PKLR: variants seen among roughly 807,000 people sequenced by gnomAD.
PKLR encodes pyruvate kinase L/R, also known as pyruvate kinase PKLR.
A neutral mutation model predicts 53.6 loss-of-function variants in PKLR; 38 were observed. The ratio of observed to expected loss-of-function variants is 0.71; its 90% confidence interval spans 0.55 to 0.93. The LOEUF is 0.93. Among genes scored for constraint, PKLR ranks in the 40% least tolerant of loss-of-function variants. PKLR has a pLI of 0.00. For synonymous variants in PKLR, 328 were observed against 316.2 expected (o/e 1.04, Z -0.39); for missense variants, 702 against 787.3 (o/e 0.89, Z 1.30).
At chr1:155,305,796 ATT>A (rs35024216), upstream of PKLR, among the ~76,000 whole-genome samples, 22 of 133,276 alleles carry the variant, frequency 1.7e-4, no homozygotes, top group Non-Finnish European at 1.9e-4. Context: ...TGCCCAGCTA[ATT>A]TTTTTTTTTT....
upstream of PKLR, among the ~76,000 whole-genome samples, chr1:155,301,929 C>T (rs545193547): frequency 7.9e-5 from 12 of 151,844 alleles, no homozygotes; most frequent in South Asian, 2.1e-3. Flanking sequence ...TTCTCAGACA[C>T]TGATAAACTT....
intron 6 of PKLR, 44 bp downstream of exon 6, chr1:155,294,438 G>A (rs890965470): frequency 1.9e-6 from 3 of 1,614,094 alleles, no homozygotes; most frequent in Non-Finnish European, 1.7e-6. Context: ...AAAGGTGATG[G>A]GGAATAGCGA....
At chr1:155,291,179 G>C (rs1674523198) in intron 10 of PKLR, among the ~76,000 whole-genome samples, 1 of 152,036 alleles carries the variant, frequency 6.6e-6, no homozygotes, top group Non-Finnish European at 1.5e-5. Context: ...TGGCATGCAG[G>C]GAATGTGACC....
chr1:155,298,874 C>G (rs1647757965), intron 2 of PKLR, among the ~76,000 whole-genome samples: 1 of 151,606 alleles, frequency 6.6e-6, no homozygotes, highest in Non-Finnish European at 1.5e-5. Context: ...GACCCCTGAC[C>G]TCAGGTGATC....
At chr1:155,297,117 C>T (rs1335506634) in intron 2 of PKLR, among the ~76,000 whole-genome samples, 6 of 152,092 alleles carry the variant, frequency 3.9e-5, no homozygotes, top group Admixed American at 2.6e-4. Flanking sequence ...TTCTCTTCTC[C>T]GTCATTTCAC....
chr1:155,291,235 C>T (rs1485869953), intron 10 of PKLR, among the ~76,000 whole-genome samples: 5 of 151,718 alleles, frequency 3.3e-5, no homozygotes, highest in East Asian at 1.9e-4. Flanking sequence ...CGGTGGCTGA[C>T]GCCTGTAATC....
In PKLR at chr1:155,294,542, C is replaced by T; in HGVS notation, c.905G>A (p.Gly302Asp). 1 of 1,614,228 alleles carries T rather than the reference C, an allele frequency of 6.2e-7. No homozygotes were observed. Among genetic ancestry groups the T allele is most frequent in the South Asian group, 1.1e-5 (1 of 91,078 alleles). The change falls in exon 6 of 11, where the codon GGT (glycine) becomes GAT (aspartate). Residue 302 changes from glycine (G) to aspartate (D), a missense_variant. Physicochemically the swap from Gly to Asp is moderately conservative, Grantham distance 94. Transcript: ENST00000342741. The stretch of plus-strand genomic sequence containing the variant: ...GATCTTGATGCCGTGTCCTTCCGGA[C>T]CCAGAGCAGCCCTGACGGCAGCCAC... ...SDVAAVRAAL[G>D]PEGHGIKIIS... is the part of the protein sequence containing the mutation.
At chr1:155,300,876 C>T (rs778065728) in intron 1 of PKLR, 12 of 1,611,552 alleles carry the variant, frequency 7.4e-6, no homozygotes, top group Middle Eastern at 1.6e-4. Context: ...CGATTCCAGC[C>T]GCACCTTCCA....
Position 155,290,225 on chromosome 1 carries a change from C to T in PKLR, c.*347G>A. The T allele has an allele frequency of 3.0e-6, 1 of 332,844 alleles. No individual in the cohort carries two copies. Among genetic ancestry groups the T allele is most frequent in the East Asian group, 6.7e-5 (1 of 15,002 alleles). The allele number at this position is 332,844 out of a possible 1,614,324, so 20.6% of individuals were successfully genotyped here. ...TCCCCCACCCCAAGGGATGGGATGCCTGGGGTTATGGAATTAACCAGCCAA... is the reference window on the plus strand; with the variant it reads ...TCCCCCACCCCAAGGGATGGGATGCTTGGGGTTATGGAATTAACCAGCCAA... On this transcript the variant is annotated 3_prime_UTR_variant, in exon 11 of 11. Transcript: ENST00000342741.
Position 155,294,215 on chromosome 1 carries a change from C to T in PKLR, c.1116+20G>A, listed in dbSNP as rs866725171. The stretch of plus-strand genomic sequence containing the variant: ...CCCTAAAACCCACAGAGTGCCGAAC[C>T]TCAAGGCCTCACTCCAGACCTGTGT... On this transcript the variant is annotated intron_variant, in intron 7 of 10. Transcript: ENST00000342741. The T allele has an allele frequency of 2.7e-5, 44 of 1,613,922 alleles. 1 individual carries two copies. In the Middle Eastern group the frequency reaches 3.3e-3, roughly 121 times the overall value.
intron 2 of PKLR, among the ~76,000 whole-genome samples, chr1:155,297,305 GC>G (rs1277688870): frequency 6.6e-6 from 1 of 152,048 alleles, no homozygotes; most frequent in African/African-American, 2.4e-5. Context: ...CATGTCCCAA[GC>G]AAACTTCTGC....
Position 155,301,134 on chromosome 1 carries a change from G to C in PKLR, c.100+162C>G. On this transcript the variant is annotated intron_variant, in intron 1 of 10. Coordinates refer to ENST00000342741, the MANE Select transcript of PKLR (RefSeq NM_000298.6). Reference sequence around the variant, plus strand: ...AGGGCCTGGAAAAGACCCAGGCCAGGGTCCATAATTTAACACACGGGAGGC... The same window carrying C: ...AGGGCCTGGAAAAGACCCAGGCCAGCGTCCATAATTTAACACACGGGAGGC... 3 of 1,359,372 alleles carry C rather than the reference G, an allele frequency of 2.2e-6. No individual in the cohort carries two copies. In the South Asian group the frequency reaches 3.8e-5, roughly 17 times the overall value. The allele number at this position is 1,359,372 out of a possible 1,614,324, so 84.2% of individuals were successfully genotyped here.
upstream of PKLR, among the ~76,000 whole-genome samples, chr1:155,303,921 C>T (rs1054901980): frequency 1.1e-4 from 16 of 151,978 alleles, 1 homozygote; most frequent in Middle Eastern, 0.01. Flanking sequence ...TCCATGGCGG[C>T]GGGGCGGGGG....
the PKLR span, among the ~76,000 whole-genome samples, chr1:155,308,080 G>T: frequency 6.9e-6 from 1 of 144,634 alleles, no homozygotes. Context: ...TTTTTGAGAC[G>T]GAGTCTTGCT....
At chr1:155,301,584 C>CT (rs2148221168), upstream of PKLR, 2 of 668,730 alleles carry the variant, frequency 3.0e-6, no homozygotes, top group Non-Finnish European at 5.2e-6. Context: ...TCCTCTCATC[C>CT]TTTTTTCCTG....
At chr1:155,294,001 C>T (rs948907191) in intron 7 of PKLR, among the ~76,000 whole-genome samples, 11 of 152,162 alleles carry the variant, frequency 7.2e-5, no homozygotes, top group African/African-American at 1.9e-4. Context: ...GGCATGGCGG[C>T]GGTCACCTGT....
chr1:155,305,936 C>T (rs10908461), upstream of PKLR, among the ~76,000 whole-genome samples: 45,308 of 151,818 alleles, frequency 0.3, 7,266 homozygotes, highest in East Asian at 0.7. Flanking sequence ...TGAGCCACCA[C>T]GCCCAGCTGT....
At chr1:155,308,478 TCA>T in the PKLR span, 2 of 811,802 alleles carry the variant, frequency 2.5e-6, no homozygotes, top group Non-Finnish European at 3.0e-6. Flanking sequence ...TCACTGAGGA[TCA>T]GAGACGTTAA....
At position 155,293,903 on chromosome 1, in the gene PKLR, C is replaced by A. The variant is rs537394980; in HGVS notation, c.1117-313G>T. 6.6e-6 allele frequency among the ~76,000 whole-genome samples: 1 copy of A among 152,058 alleles called. No individual in the cohort carries two copies. The highest frequency in any genetic ancestry group is 1.5e-5 in the Non-Finnish European group (1 of 68,000). On this transcript the variant is annotated intron_variant, in intron 7 of 10. Transcript: ENST00000342741. The surrounding 1 kb of genome is among the most constrained non-coding windows in gnomAD (Gnocchi z 4.2). ...ATCCCAGCACTTTGGGAGGCCGAGG[C>A]GAGTAGATCACCTGAGGTCAGGAGT...
Sources: gnomAD v4.1 joint callset for allele counts (sites outside exome capture counted in the v4.1 genomes callset) on GRCh38, gnomAD v4.1.1 for gene constraint, Gnocchi (gnomAD v3.1) non-coding constraint, MANE v1.5 for transcripts, NCBI Gene and HGNC (gene_info 2026-07-23, HGNC 2026-07-21) for gene names.